The following F13A1 variants were observed in gnomAD, a reference collection of about 807,000 sequenced individuals.
F13A1 encodes the protein FSF, A subunit.
F13A1 carries 47 observed loss-of-function variants against 80.1 expected under a neutral mutation model. The observed-to-expected ratio is 0.59, with a 90% CI of 0.46 to 0.75. The LOEUF is 0.75. F13A1 is among the 30% of genes least tolerant of loss of function. The pLI, the probability that F13A1 is intolerant of heterozygous loss-of-function variation, is 0.00. For missense variants in F13A1, 817 were observed against 930.4 expected, an observed-to-expected ratio of 0.88 and a Z score of 1.59; for synonymous variants, 349 against 344.9, an observed-to-expected ratio of 1.01 and a Z score of -0.13.
intron 4 of F13A1, among the ~76,000 whole-genome samples, chr6:6,251,552 A>C (rs1416453458): frequency 6.6e-6 from 1 of 152,094 alleles, no homozygotes; most frequent in Non-Finnish European, 1.5e-5. Context: ...TTTCAGGAGG[A>C]TCATCCTCCC....
intron 1 of F13A1, among the ~76,000 whole-genome samples, chr6:6,318,957 T>C (rs1758729806): frequency 6.6e-6 from 1 of 152,120 alleles, no homozygotes; most frequent in Non-Finnish European, 1.5e-5. Flanking sequence ...AATTTAAAAA[T>C]TAAAAGATTT....
chr6:6,220,512 T>C (rs1583078701), intron 8 of F13A1, among the ~76,000 whole-genome samples: 1 of 152,056 alleles, frequency 6.6e-6, no homozygotes, highest in East Asian at 1.9e-4. Context: ...CTGGGAAAGA[T>C]AACTTTGAAC....
intron 4 of F13A1, among the ~76,000 whole-genome samples, chr6:6,253,114 G>C (rs1364643591): frequency 7.2e-6 from 1 of 139,430 alleles, no homozygotes; most frequent in African/African-American, 2.8e-5. Flanking sequence ...CTGCACTCCA[G>C]GCTGGGCAAC....
At chr6:6,240,366 C>T (rs955270063) in intron 6 of F13A1, among the ~76,000 whole-genome samples, 7 of 152,060 alleles carry the variant, frequency 4.6e-5, no homozygotes, top group African/African-American at 1.4e-4. Flanking sequence ...AGTTCATCGT[C>T]CCCCCACTGC....
At chr6:6,186,378 C>G (rs1413424214) in intron 10 of F13A1, among the ~76,000 whole-genome samples, 2 of 152,176 alleles carry the variant, frequency 1.3e-5, no homozygotes, top group Non-Finnish European at 2.9e-5. Context: ...AGTCTTTAAT[C>G]CATCTTGAAT....
chr6:6,224,952 C>T, intron 6 of F13A1, 92 bp from the exon 7 acceptor site: 6 of 1,320,666 alleles, frequency 4.5e-6, no homozygotes, highest in African/African-American at 1.4e-5. Context: ...GCTGCCATTG[C>T]CTTCTATATG....
intron 3 of F13A1, among the ~76,000 whole-genome samples, chr6:6,296,296 G>A (rs548008271): frequency 0.014 from 2,076 of 151,610 alleles, 46 homozygotes; most frequent in African/African-American, 0.046. Context: ...GTCACTGGTA[G>A]CTTGATGGGG....
chr6:6,159,050 C>T (rs964373530), intron 13 of F13A1, among the ~76,000 whole-genome samples: 5 of 151,850 alleles, frequency 3.3e-5, no homozygotes, highest in Admixed American at 6.6e-5. Context: ...TACAGGTGCC[C>T]GCCACTATGC....
chr6:6,250,268 T>C lies in F13A1; in HGVS notation c.690+543A>G, dbSNP rs3024377. 0.13 allele frequency among the ~76,000 whole-genome samples: 19,382 copies of C among 152,244 alleles called. 1,354 individuals carry two copies. Among genetic ancestry groups the C allele is most frequent in the African/African-American group, 0.17 (7,075 of 41,516 alleles). On this transcript the variant is annotated intron_variant, in intron 5 of 14. Transcript: ENST00000264870. The surrounding 1 kb of genome is among the most constrained non-coding windows in gnomAD (Gnocchi z 4.2). The stretch of plus-strand genomic sequence containing the variant: ...CTGAAATAGTTTGAATGACTGAACA[T>C]CTTAAAGAAATGCCATTTGCTACTT...
At chr6:6,201,087 C>T (rs1348379826) in intron 8 of F13A1, among the ~76,000 whole-genome samples, 2 of 152,182 alleles carry the variant, frequency 1.3e-5, no homozygotes, top group Non-Finnish European at 2.9e-5. Context: ...CCCTGGCTTT[C>T]ACTGCTACAC....
intron 3 of F13A1, among the ~76,000 whole-genome samples, chr6:6,303,751 A>G (rs1390782962): frequency 6.6e-6 from 1 of 152,052 alleles, no homozygotes; most frequent in Non-Finnish European, 1.5e-5. Context: ...TTGGTTTCTC[A>G]TGTTTTTTAT....
chr6:6,152,259 G>A (rs997479618), intron 13 of F13A1, among the ~76,000 whole-genome samples: 2 of 152,204 alleles, frequency 1.3e-5, no homozygotes, highest in Admixed American at 6.5e-5. Context: ...GTGGCAACAC[G>A]TTTCCACGGT....
chr6:6,213,145 C>T (rs1422657088), intron 8 of F13A1, among the ~76,000 whole-genome samples: 1 of 152,188 alleles, frequency 6.6e-6, no homozygotes, highest in South Asian at 2.1e-4. Flanking sequence ...TCTAGCAAGG[C>T]AGGCCAACGT....
chr6:6,198,005 T>G (rs1761321415), intron 8 of F13A1, among the ~76,000 whole-genome samples: 1 of 152,238 alleles, frequency 6.6e-6, no homozygotes, highest in Non-Finnish European at 1.5e-5. Flanking sequence ...CTGAAATATT[T>G]ATTTTGAACT....
chr6:6,161,551 TGAGAGA>T (rs111622535), intron 13 of F13A1, among the ~76,000 whole-genome samples: 22 of 146,368 alleles, frequency 1.5e-4, no homozygotes, highest in East Asian at 4.1e-4. Flanking sequence ...TGTGTGTGTG[TGAGAGA>T]GAGAGAGAGA....
Position 6,243,298 on chromosome 6 carries a change from CATT to C in F13A1, c.798+5011_798+5013del, listed in dbSNP as rs1385393388. ...ACCATAATCACCCTACCATCACCACCATTATTATCACAATCACTATCACCACCA... is the reference window on the plus strand; with the variant it reads ...ACCATAATCACCCTACCATCACCACCATTATCACAATCACTATCACCACCA... On this transcript the variant is annotated intron_variant, in intron 6 of 14. Transcript: ENST00000264870. This position sits in a 1 kb window ranked among gnomAD's most constrained non-coding sequence, Gnocchi z 4.2. Among the ~76,000 whole-genome samples, 1 of 151,674 alleles carries C rather than the reference CATT, an allele frequency of 6.6e-6. No individual in the cohort carries two copies. The highest frequency in any genetic ancestry group is 1.5e-5 in the Non-Finnish European group (1 of 67,884).
At position 6,209,389 on chromosome 6, in the gene F13A1, T is replaced by C. The variant is rs141106855; in HGVS notation, c.1113-12063A>G. On this transcript the variant is annotated intron_variant, in intron 8 of 14. Transcript: ENST00000264870. Reference sequence around the variant, plus strand: ...AATATGAAGTTGGAACTTTTGTGTATTGCTAGTGGGAATACAGAATGGAGT... The same window carrying C: ...AATATGAAGTTGGAACTTTTGTGTACTGCTAGTGGGAATACAGAATGGAGT... Among the ~76,000 whole-genome samples the C allele has an allele frequency of 2.2e-3, 340 of 151,454 alleles. 3 individuals carry two copies. Among genetic ancestry groups the C allele is most frequent in the African/African-American group, 8.0e-3 (332 of 41,304 alleles).
chr6:6,224,943 C>A, intron 6 of F13A1, 83 bp from the exon 7 acceptor site: 1 of 1,389,462 alleles, frequency 7.2e-7, no homozygotes, highest in Admixed American at 1.7e-5. Context: ...CAAGCTATGG[C>A]TGCCATTGCC....
In F13A1 at chr6:6,222,504, C is replaced by T. The variant is rs3024415; in HGVS notation, c.974-333G>A. ...AGTCCCATGAATGGGACTATGTTCC[C>T]GAAAATACAATTTTAAAAACCCACT... On this transcript the variant is annotated intron_variant, in intron 7 of 14. Transcript: ENST00000264870. Among the ~76,000 whole-genome samples the T allele has an allele frequency of 0.65, 98,645 of 151,992 alleles. 32,860 individuals are homozygous for T. The highest frequency in any genetic ancestry group is 0.8 in the African/African-American group (33,062 of 41,496).
Sources: allele counts gnomAD v4.1 joint callset (sites outside exome capture counted in the v4.1 genomes callset), GRCh38; gene constraint gnomAD v4.1.1; non-coding constraint Gnocchi (gnomAD v3.1); transcripts MANE v1.5; gene names NCBI Gene and HGNC (gene_info 2026-07-23, HGNC 2026-07-21).